BMAL1: variants seen among roughly 807,000 people sequenced by gnomAD.
BMAL1 encodes basic helix-loop-helix ARNT like 1.
chr11:13,330,028 C>G, the BMAL1 span, among the ~76,000 whole-genome samples: 2 of 152,218 alleles, frequency 1.3e-5, no homozygotes, highest in Non-Finnish European at 2.9e-5. Context: ...AATGCACACA[C>G]GACTTAGGCA....
chr11:13,373,905 A>T, the BMAL1 span, among the ~76,000 whole-genome samples: 1 of 152,138 alleles, frequency 6.6e-6, no homozygotes, highest in Non-Finnish European at 1.5e-5. Flanking sequence ...TATAGCCTTG[A>T]TTAAATTCAG....
the BMAL1 span, chr11:13,357,105 G>A: frequency 1.2e-6 from 2 of 1,614,092 alleles, no homozygotes; most frequent in Non-Finnish European, 1.7e-6. The surrounding 1 kb of genome is among the most constrained non-coding windows in gnomAD (Gnocchi z 4.8). Flanking sequence ...AGGTAAGCTT[G>A]GACCTTATTT....
chr11:13,379,759 T>C, the BMAL1 span: 1 of 152,176 alleles, frequency 6.6e-6, no homozygotes, highest in Non-Finnish European at 1.5e-5. Flanking sequence ...TGAGTGGGCA[T>C]GTGAGTGGCA....
the BMAL1 span, chr11:13,356,627 G>A: frequency 3.9e-6 from 5 of 1,295,632 alleles, no homozygotes; most frequent in African/African-American, 1.5e-5. Context: ...GTGGCTGTTC[G>A]AACTTTATGA....
the BMAL1 span, among the ~76,000 whole-genome samples, chr11:13,312,692 A>G: frequency 1.3e-5 from 2 of 152,202 alleles, no homozygotes; most frequent in East Asian, 3.8e-4. Context: ...TTTGAGCTCC[A>G]AAGGCAGGCT....
the BMAL1 span, among the ~76,000 whole-genome samples, chr11:13,314,255 A>ACACG: frequency 6.6e-6 from 1 of 151,638 alleles, no homozygotes; most frequent in Non-Finnish European, 1.5e-5. Context: ...ACACACACAC[A>ACACG]CACACACACA....
the BMAL1 span, chr11:13,378,548 C>T: frequency 2.7e-6 from 4 of 1,495,018 alleles, no homozygotes; most frequent in Non-Finnish European, 1.8e-6. Flanking sequence ...CATTTTTGGT[C>T]TTCACAACTG....
the BMAL1 span, among the ~76,000 whole-genome samples, chr11:13,311,344 G>T: frequency 6.6e-6 from 1 of 152,200 alleles, no homozygotes; most frequent in Admixed American, 6.5e-5. Context: ...GAAGACGATG[G>T]AAGAGACCCA....
the BMAL1 span, among the ~76,000 whole-genome samples, chr11:13,293,455 G>A: frequency 2.0e-5 from 3 of 152,206 alleles, no homozygotes; most frequent in Non-Finnish European, 2.9e-5. Context: ...GAGACCAAAG[G>A]GTGAGGAAGT....
chr11:13,285,420 T>G, the BMAL1 span, among the ~76,000 whole-genome samples: 13 of 152,106 alleles, frequency 8.5e-5, no homozygotes, highest in Admixed American at 2.6e-4. Context: ...TCATGCCTTG[T>G]TGTGAGAAGT....
the BMAL1 span, among the ~76,000 whole-genome samples, chr11:13,365,043 C>G: frequency 6.6e-6 from 1 of 152,050 alleles, no homozygotes; most frequent in African/African-American, 2.4e-5. Flanking sequence ...GCTCCCTGTA[C>G]GTGGAGGTTT....
chr11:13,317,380 G>A, the BMAL1 span, among the ~76,000 whole-genome samples: 2 of 152,080 alleles, frequency 1.3e-5, no homozygotes, highest in East Asian at 1.9e-4. Context: ...TTTTGTTTTG[G>A]AAAAAGGTTT....
At chr11:13,363,127 C>CATATATATATAT in the BMAL1 span, among the ~76,000 whole-genome samples, 24 of 109,916 alleles carry the variant, frequency 2.2e-4, 1 homozygote, top group Non-Finnish European at 3.4e-4. Context: ...GTCTTTATTT[C>CATATATATATAT]ATATATATAT....
the BMAL1 span, among the ~76,000 whole-genome samples, chr11:13,290,665 A>G: frequency 6.6e-6 from 1 of 151,952 alleles, no homozygotes; most frequent in Non-Finnish European, 1.5e-5. Flanking sequence ...ACTTTTTCTC[A>G]TTCAGTCTTC....
chr11:13,292,245 C>G, the BMAL1 span, among the ~76,000 whole-genome samples: 7 of 151,486 alleles, frequency 4.6e-5, no homozygotes, highest in African/African-American at 1.2e-4. Flanking sequence ...TTTTTTCACC[C>G]CTTTAAAGTA....
At chr11:13,302,226 A>T in the BMAL1 span, among the ~76,000 whole-genome samples, 1 of 152,110 alleles carries the variant, frequency 6.6e-6, no homozygotes, top group African/African-American at 2.4e-5. Flanking sequence ...GTGAGACCTG[A>T]GGAATAGGTC....
the BMAL1 span, chr11:13,356,646 T>A: frequency 6.8e-7 from 1 of 1,467,230 alleles, no homozygotes; most frequent in Non-Finnish European, 9.4e-7. Context: ...GATTGTTTGG[T>A]TTCTGGATAA....
At chr11:13,326,722 G>T in the BMAL1 span, among the ~76,000 whole-genome samples, 1 of 46,674 alleles carries the variant, frequency 2.1e-5, no homozygotes, top group African/African-American at 5.2e-5. Flanking sequence ...GATTATATAG[G>T]TATTATATAT....
At chr11:13,287,474 C>T in the BMAL1 span, among the ~76,000 whole-genome samples, 1 of 152,214 alleles carries the variant, frequency 6.6e-6, no homozygotes, top group South Asian at 2.1e-4. Context: ...ATCTCTTGTT[C>T]TCTGCTATAC....
Sources: gnomAD v4.1 joint callset for allele counts (sites outside exome capture counted in the v4.1 genomes callset) on GRCh38, gnomAD v4.1.1 for gene constraint, Gnocchi (gnomAD v3.1) non-coding constraint, MANE v1.5 for transcripts, NCBI Gene and HGNC (gene_info 2026-07-23, HGNC 2026-07-21) for gene names.